Variants in WDR59 observed in about 807,000 individuals in gnomAD.
WDR59 encodes WD repeat domain 59.
WDR59 carries 100 observed loss-of-function variants against 131.2 expected under a neutral mutation model. The observed-to-expected ratio is 0.76, with a 90% confidence interval of 0.65 to 0.90. WDR59 has a LOEUF of 0.90. Among genes scored for constraint, WDR59 ranks in the 40% least tolerant of loss-of-function variants. The pLI, the probability that WDR59 is intolerant of heterozygous loss-of-function variation, is 0.00. For synonymous variants in WDR59, 601 were observed against 466.2 expected (o/e 1.29, Z -3.72); for missense variants, 1,203 against 1,262.2 (o/e 0.95, Z 0.71).
At chr16:74,948,398 C>A in intron 6 of WDR59, 121 bp downstream of exon 6, 2 of 966,186 alleles carry the variant, frequency 2.1e-6, no homozygotes, top group Non-Finnish European at 3.3e-6. Flanking sequence ...ACGGCGCAGC[C>A]CAGACAGAGG....
chr16:74,888,112 C>A, intron 22 of WDR59, 57 bp downstream of exon 22: 1 of 1,449,342 alleles, frequency 6.9e-7, no homozygotes. Flanking sequence ...AGTAAAACTC[C>A]GTCTCAAAAA....
chr16:74,884,467 G>A (rs1964659120), intron 25 of WDR59, among the ~76,000 whole-genome samples: 1 of 152,230 alleles, frequency 6.6e-6, no homozygotes, highest in Non-Finnish European at 1.5e-5. Context: ...TCCTGCCTCA[G>A]CCTCCTGAGT....
chr16:74,982,807 G>A (rs1410252143), intron 1 of WDR59, among the ~76,000 whole-genome samples: 1 of 152,060 alleles, frequency 6.6e-6, no homozygotes, highest in Non-Finnish European at 1.5e-5. Flanking sequence ...CTGATCAGAG[G>A]GCACCACAGA....
intron 18 of WDR59, among the ~76,000 whole-genome samples, chr16:74,903,676 GTGGAGATTA>G (rs1215624679): frequency 5.3e-4 from 28 of 53,054 alleles, no homozygotes; most frequent in African/African-American, 3.3e-3. Flanking sequence ...AACTCAGGGA[GTGGAGATTA>G]CGAGTGGAGA....
At chr16:74,896,988 A>T (rs1419909252) in intron 18 of WDR59, among the ~76,000 whole-genome samples, 1 of 152,218 alleles carries the variant, frequency 6.6e-6, no homozygotes, top group Non-Finnish European at 1.5e-5. Context: ...CATTCTTGTT[A>T]ACTTGATTTT....
At chr16:74,972,927 CA>C (rs1471296251) in intron 1 of WDR59, among the ~76,000 whole-genome samples, 4 of 148,550 alleles carry the variant, frequency 2.7e-5, no homozygotes, top group African/African-American at 9.9e-5. Flanking sequence ...GGACAAGATC[CA>C]ATTTCTATTC....
At chr16:74,900,414 A>G (rs987316895) in intron 18 of WDR59, among the ~76,000 whole-genome samples, 1 of 152,230 alleles carries the variant, frequency 6.6e-6, no homozygotes, top group African/African-American at 2.4e-5. Context: ...TACGGAGATC[A>G]GAAATTATTC....
At chr16:74,879,824 G>A (rs1018993288) in intron 25 of WDR59, among the ~76,000 whole-genome samples, 12 of 152,116 alleles carry the variant, frequency 7.9e-5, no homozygotes, top group Admixed American at 3.3e-4. Context: ...CTGCAAAAAT[G>A]CTCAGAACAA....
intron 18 of WDR59, among the ~76,000 whole-genome samples, chr16:74,897,426 C>T (rs1025138915): frequency 3.9e-5 from 6 of 152,166 alleles, no homozygotes; most frequent in Non-Finnish European, 5.9e-5. Context: ...TTACAAAGAT[C>T]GGTAGAAACA....
intron 2 of WDR59, 83 bp from the exon 3 acceptor site, chr16:74,956,693 T>C (rs947396456): frequency 3.6e-5 from 55 of 1,532,982 alleles, no homozygotes; most frequent in Non-Finnish European, 4.2e-5. Flanking sequence ...TGGAATTGCA[T>C]ACAATTTGCA....
chr16:74,871,741 G>A lies in WDR59; in HGVS notation c.*2468C>T, dbSNP rs1249931256. On this transcript the variant is annotated 3_prime_UTR_variant, in exon 26 of 26. Transcript: ENST00000262144. ...GGAACACAACAGATCCTTTCTCTCTGTGTAAATCAGCCAACCTATTCTGTG... is the reference window on the plus strand; with the variant it reads ...GGAACACAACAGATCCTTTCTCTCTATGTAAATCAGCCAACCTATTCTGTG... 3.9e-5 allele frequency: 6 copies of A among 152,222 alleles called. No homozygotes were observed. The highest frequency in any genetic ancestry group is 1.2e-4 in the African/African-American group (5 of 41,444). The allele number at this position is 152,222 out of a possible 1,614,324, so 9.4% of individuals were successfully genotyped here. A position where few individuals can be genotyped will look rare whatever the true frequency, so the allele number is the denominator to read the frequency against.
chr16:74,894,551 T>G (rs958868849), intron 18 of WDR59, among the ~76,000 whole-genome samples: 6 of 152,148 alleles, frequency 3.9e-5, no homozygotes, highest in African/African-American at 7.2e-5. Context: ...TCTGGAATCT[T>G]TAAAATGACA....
chr16:74,918,800 A>C (rs541260156), intron 10 of WDR59, among the ~76,000 whole-genome samples: 16 of 152,342 alleles, frequency 1.1e-4, no homozygotes, highest in East Asian at 5.8e-4. Context: ...AGGCAAGAGA[A>C]TATGATCTGT....
chr16:74,882,807 C>CAAAAAAAAAAAAAAAAAAAAAA (rs569507124), intron 25 of WDR59, among the ~76,000 whole-genome samples: 10 of 51,422 alleles, frequency 1.9e-4, no homozygotes, highest in African/African-American at 3.2e-4. Context: ...AACACTGTCT[C>CAAAAAAAAAAAAAAAAAAAAAA]AAAAAAAAAA....
At chr16:74,951,373 G>T in intron 4 of WDR59, 85 bp downstream of exon 4, 2 of 1,329,294 alleles carry the variant, frequency 1.5e-6, no homozygotes, top group Non-Finnish European at 2.1e-6. Flanking sequence ...GTCAAGCCAT[G>T]CAAGGAGGAC....
At chr16:74,898,486 C>T (rs530243069) in intron 18 of WDR59, among the ~76,000 whole-genome samples, 7 of 152,290 alleles carry the variant, frequency 4.6e-5, no homozygotes, top group Middle Eastern at 6.8e-3. Context: ...ACCAGGCTGC[C>T]CCTCTGAACA....
chr16:74,902,338 A>G (rs892601061), intron 18 of WDR59, among the ~76,000 whole-genome samples: 1 of 152,154 alleles, frequency 6.6e-6, no homozygotes, highest in African/African-American at 2.4e-5. Context: ...TTGAAATTTC[A>G]CAACTCTTCT....
chr16:74,949,643 T>A, intron 5 of WDR59, 75 bp downstream of exon 5: 1 of 1,370,954 alleles, frequency 7.3e-7, no homozygotes, highest in South Asian at 1.2e-5. Context: ...GAAACCAAAC[T>A]AAGACACTTG....
At chr16:74,983,232 G>C (rs1472811649) in intron 1 of WDR59, among the ~76,000 whole-genome samples, 1 of 152,064 alleles carries the variant, frequency 6.6e-6, no homozygotes, top group Non-Finnish European at 1.5e-5. Context: ...CAGCACTTTA[G>C]GAGGCCAAGG....
Sources: gnomAD v4.1 joint callset for allele counts (sites outside exome capture counted in the v4.1 genomes callset) on GRCh38, gnomAD v4.1.1 for gene constraint, MANE v1.5 for transcripts, NCBI Gene and HGNC (gene_info 2026-07-23, HGNC 2026-07-21) for gene names.